Variants in RSPH4A observed in about 807,000 individuals in gnomAD.
RSPH4A encodes radial spoke head component 4A.
In RSPH4A, 47 loss-of-function variants were observed where a neutral mutation model predicts 71.0. The ratio of observed to expected loss-of-function variants is 0.66; its 90% CI spans 0.52 to 0.84. The LOEUF (loss-of-function observed/expected upper bound fraction) is 0.84, where lower values mean the gene tolerates loss of function less well. Ranked by LOEUF, RSPH4A falls within the 40% of genes least tolerant of loss-of-function variation. The pLI is 0.00. For synonymous variants in RSPH4A, 282 were observed against 302.3 expected (o/e 0.93, Z 0.70); for missense variants, 793 against 855.2 (o/e 0.93, Z 0.91).
At position 116,627,732 on chromosome 6, in the gene RSPH4A, A is replaced by C; in HGVS notation, c.1025A>C (p.Lys342Thr). The C allele has an allele frequency of 6.2e-7, 1 of 1,614,222 alleles. No individual in the cohort carries two copies. The highest frequency in any genetic ancestry group is 1.6e-4 in the Middle Eastern group (1 of 6,062). The change falls in exon 3 of 6, where the codon AAG becomes ACG. Residue 342 changes from lysine (K) to threonine (T), a missense_variant. Lys to Thr is a moderately conservative substitution (Grantham distance 78). Transcript: ENST00000229554. ...ACATACCGCATATTTCTTGCCCTCA[A>C]GCAGCTTACTGATACCCACCCAATC... Reference protein sequence around the residue: ...DETYRIFLALKQLTDTHPIQR... With the variant: ...DETYRIFLALTQLTDTHPIQR...
rs1469635606 is a variant in RSPH4A, at chr6:116,617,003, C to T, written c.380C>T (p.Pro127Leu). Residue 127 changes from proline (P) to leucine (L), a missense_variant, in exon 1 of 6, where the codon CCT becomes CTT. By Grantham distance (98) the Pro-to-Leu change is moderately conservative. Coordinates refer to ENST00000229554, the MANE Select transcript of RSPH4A (RefSeq NM_001010892.3). ...GAAGCTGGGACACCTTATCCTGATC[C>T]TTTGGAACAATCATCTGATAAAAGA... Reference protein sequence around the residue: ...IPEAGTPYPDPLEQSSDKRES... With the variant: ...IPEAGTPYPDLLEQSSDKRES... 1.2e-6 allele frequency: 2 copies of T among 1,614,086 alleles called. No individual in the cohort carries two copies. Among genetic ancestry groups the T allele is most frequent in the Non-Finnish European group, 1.7e-6 (2 of 1,180,048 alleles).
intron 5 of RSPH4A, among the ~76,000 whole-genome samples, chr6:116,630,847 A>AC (rs1775791783): frequency 1.1e-5 from 1 of 87,614 alleles, no homozygotes; most frequent in African/African-American, 4.7e-5. Context: ...TAATTTTTGT[A>AC]TTTTTTTTTT....
chr6:116,620,114 C>G (rs1775577445), intron 1 of RSPH4A, among the ~76,000 whole-genome samples: 1 of 152,178 alleles, frequency 6.6e-6, no homozygotes, highest in African/African-American at 2.4e-5. Context: ...ATATGAACTT[C>G]TTGTCATAAT....
At chr6:116,628,694 T>C (rs1224582292) in intron 3 of RSPH4A, among the ~76,000 whole-genome samples, 1 of 152,250 alleles carries the variant, frequency 6.6e-6, no homozygotes, top group Non-Finnish European at 1.5e-5. Context: ...AATTTTTATA[T>C]GTTTAATATA....
chr6:116,630,648 C>CT, intron 5 of RSPH4A, 96 bp downstream of exon 5: 1 of 258,500 alleles, frequency 3.9e-6, no homozygotes. Context: ...ATCGTTGTTT[C>CT]TTTGGTTTTT....
rs752508743 is a variant in RSPH4A at position 116,616,780 on chromosome 6, C to T, written c.157C>T (p.Arg53Cys). The T allele has an allele frequency of 3.3e-5, 53 of 1,614,062 alleles. No individual in the cohort carries two copies. The highest frequency in any genetic ancestry group is 1.6e-4 in the Middle Eastern group (1 of 6,084). The part of the protein sequence containing the change: ...LEAKQGPETG[R>C]QSRSSRPWSP... ...GGCGAAGCAGGGGCCAGAAACTGGACGCCAGTCCCGAAGCAGCCGTCCTTG... is the reference window on the plus strand; with the variant it reads ...GGCGAAGCAGGGGCCAGAAACTGGATGCCAGTCCCGAAGCAGCCGTCCTTG... The change falls in exon 1 of 6, where the codon CGC becomes TGC. Residue 53 changes from arginine to cysteine, a missense_variant. Arg to Cys is a radical substitution (Grantham distance 180). Coordinates refer to ENST00000229554, the MANE Select transcript of RSPH4A (RefSeq NM_001010892.3).
chr6:116,630,621 TA>T, intron 5 of RSPH4A, 69 bp downstream of exon 5: 1 of 790,970 alleles, frequency 1.3e-6, no homozygotes, highest in South Asian at 1.3e-5. Context: ...AAATAACCAC[TA>T]GAATGTTAAG....
chr6:116,616,543 C>G lies in RSPH4A; in HGVS notation c.-81C>G. ...CCAGAAATCGCTTAAGAGACCGCGG[C>G]AAAGTAACTTAACTGAGTTGCCTTC... On this transcript the variant is annotated 5_prime_UTR_variant, in exon 1 of 6. Coordinates refer to ENST00000229554, the MANE Select transcript of RSPH4A (RefSeq NM_001010892.3). 11 of 1,260,804 alleles carry G rather than the reference C, an allele frequency of 8.7e-6. No individual in the cohort carries two copies. The South Asian group carries it at 1.4e-4, about 16-fold the overall frequency. 78.1% of individuals were successfully genotyped at this position (1,260,804 alleles called of 1,614,324 possible).
At chr6:116,629,736 CACAA>C (rs749462556) in intron 4 of RSPH4A, 34 bp downstream of exon 4, 5 of 1,569,698 alleles carry the variant, frequency 3.2e-6, no homozygotes, top group Non-Finnish European at 3.5e-6. Context: ...CACACAGACA[CACAA>C]ACAATATAAT....
Position 116,627,845 on chromosome 6 carries a change from G to A in RSPH4A, c.1138G>A (p.Glu380Lys). 2 of 1,614,066 alleles carry A rather than the reference G, an allele frequency of 1.2e-6. No homozygotes were observed. Among genetic ancestry groups the A allele is most frequent in the Non-Finnish European group, 8.5e-7 (1 of 1,179,910 alleles). Reference sequence around the variant, plus strand: ...GGAATTTCGTGAGGGGGAAGATGAAGAGGAAGTGGAAGAGGAAGATGTAGC... The same window carrying A: ...GGAATTTCGTGAGGGGGAAGATGAAAAGGAAGTGGAAGAGGAAGATGTAGC... ...EVEFREGEDE[E>K]EVEEEDVAEE... The change falls in exon 3 of 6, where the codon GAG becomes AAG. Residue 380 changes from glutamate to lysine, a missense_variant. Coordinates refer to ENST00000229554, the MANE Select transcript of RSPH4A (RefSeq NM_001010892.3).
At chr6:116,629,253 T>A (rs1775753851) in intron 3 of RSPH4A, among the ~76,000 whole-genome samples, 3 of 152,172 alleles carry the variant, frequency 2.0e-5, no homozygotes, top group Non-Finnish European at 2.9e-5. Context: ...TCACATAAAT[T>A]ATTTACCACA....
At chr6:116,630,870 T>TTTC (rs1554249740) in intron 5 of RSPH4A, among the ~76,000 whole-genome samples, 2 of 144,806 alleles carry the variant, frequency 1.4e-5, no homozygotes, top group Non-Finnish European at 3.0e-5. Context: ...TTTTTTTTTT[T>TTTC]AGTAGAGACA....
chr6:116,631,532 G>A (rs1775804587), intron 5 of RSPH4A, among the ~76,000 whole-genome samples: 1 of 152,192 alleles, frequency 6.6e-6, no homozygotes, highest in African/African-American at 2.4e-5. Flanking sequence ...CCAAGAGGAG[G>A]ATGAGAGGGC....
chr6:116,617,383 T>C, intron 1 of RSPH4A, 74 bp downstream of exon 1: 3 of 1,050,514 alleles, frequency 2.9e-6, no homozygotes, highest in Non-Finnish European at 4.2e-6. Context: ...TGTGAGAGTG[T>C]GTTTCTGTGG....
intron 1 of RSPH4A, among the ~76,000 whole-genome samples, chr6:116,619,174 G>C (rs1775560124): frequency 6.6e-6 from 1 of 152,110 alleles, no homozygotes; most frequent in African/African-American, 2.4e-5. Context: ...TATGTTATTG[G>C]ATAGGTATGA....
rs1775775547 is a variant in RSPH4A at position 116,630,442 on chromosome 6, G to T, written c.1806G>T (p.Gln602His). ...TTTCTCTTTGGGTTCCAGAGATTCA[G>T]AATATACCCCCCTGGACAACACGGT... ...LTPISEDLEI[Q>H]NIPPWTTRLS... The change falls in exon 5 of 6, where the codon CAG becomes CAT. Residue 602 changes from glutamine to histidine, a missense_variant. Coordinates refer to ENST00000229554, the MANE Select transcript of RSPH4A (RefSeq NM_001010892.3). The T allele has an allele frequency of 3.2e-6, 5 of 1,574,302 alleles. No individual in the cohort carries two copies. Among genetic ancestry groups the T allele is most frequent in the Middle Eastern group, 3.3e-4 (2 of 6,010 alleles).
Position 116,629,712 on chromosome 6 carries a change from C to CT in RSPH4A, c.1798+10_1798+11insT. ...ATCTCTGAAGATTTAGGTTATTTTA[C>CT]GTAACTATTATCACACACAGACACA... is the stretch of plus-strand genomic sequence containing the variant. On this transcript the variant is annotated intron_variant, in intron 4 of 5. Coordinates refer to ENST00000229554, the MANE Select transcript of RSPH4A (RefSeq NM_001010892.3). 1 of 1,602,610 alleles carries CT rather than the reference C, an allele frequency of 6.2e-7. No homozygotes were observed. Among genetic ancestry groups the CT allele is most frequent in the Admixed American group, 1.7e-5 (1 of 60,008 alleles).
intron 1 of RSPH4A, 126 bp downstream of exon 1, chr6:116,617,435 A>G: frequency 1.5e-6 from 1 of 688,540 alleles, no homozygotes; most frequent in Admixed American, 2.9e-5. Flanking sequence ...AGTAAAAGAG[A>G]GTTAATGACA....
intron 1 of RSPH4A, among the ~76,000 whole-genome samples, chr6:116,619,256 C>T (rs927275931): frequency 1.3e-5 from 2 of 152,114 alleles, no homozygotes; most frequent in African/African-American, 4.8e-5. Flanking sequence ...CAAGGCCTAA[C>T]CAGATTCTTC....
Sources: allele counts gnomAD v4.1 joint callset (sites outside exome capture counted in the v4.1 genomes callset), GRCh38; gene constraint gnomAD v4.1.1; transcripts MANE v1.5; gene names NCBI Gene and HGNC (gene_info 2026-07-23, HGNC 2026-07-21).